MID1: variants seen among roughly 807,000 people sequenced by gnomAD.
MID1 encodes midline 1, also known as E3 ubiquitin-protein ligase Midline-1.
Under a neutral mutation model 40.4 loss-of-function variants are expected in MID1, and 7 were observed. The ratio of observed to expected loss-of-function variants is 0.17; its 90% CI spans 0.10 to 0.33. MID1 has a LOEUF of 0.33. Ranked by LOEUF, MID1 falls within the 10% of genes least tolerant of loss-of-function variation. The pLI is 1.00. For missense variants in MID1, 367 were observed against 558.5 expected, an observed-to-expected ratio of 0.66 and a Z score of 3.46; for synonymous variants, 229 against 221.2, an observed-to-expected ratio of 1.04 and a Z score of -0.31.
chrX:10,668,503 C>T (rs1050501200), intron 1 of MID1, among the ~76,000 whole-genome samples: 4 of 112,080 alleles, frequency 3.6e-5, no homozygotes, highest in South Asian at 3.7e-4. Flanking sequence ...TTTAAAAAGA[C>T]GGATGATTTC....
chrX:10,513,492 T>C (rs1396830269), intron 3 of MID1, among the ~76,000 whole-genome samples: 1 of 112,043 alleles, frequency 8.9e-6, no homozygotes, highest in African/African-American at 3.2e-5. Flanking sequence ...GAGTTAGAAA[T>C]AACAATGGCC....
chrX:10,667,597 T>G (rs1370124595), intron 1 of MID1, among the ~76,000 whole-genome samples: 1 of 111,954 alleles, frequency 8.9e-6, no homozygotes, highest in Non-Finnish European at 1.9e-5. Flanking sequence ...TTTATGAAAT[T>G]TTACACCTTT....
intron 1 of MID1, among the ~76,000 whole-genome samples, chrX:10,819,578 C>T (rs1375865934): frequency 1.8e-5 from 2 of 111,617 alleles, no homozygotes; most frequent in Non-Finnish European, 3.8e-5. Flanking sequence ...CCAGAGAGAG[C>T]AAGAAACAAA....
At chrX:10,560,976 G>A (rs1438813256) in intron 2 of MID1, among the ~76,000 whole-genome samples, 1 of 106,300 alleles carries the variant, frequency 9.4e-6, no homozygotes, top group Non-Finnish European at 1.9e-5. Flanking sequence ...ACTATACGAG[G>A]CTACAGTAAC....
At chrX:10,548,639 G>A (rs980738623) in intron 2 of MID1, among the ~76,000 whole-genome samples, 43 of 111,798 alleles carry the variant, frequency 3.8e-4, no homozygotes, top group African/African-American at 1.2e-3. Flanking sequence ...AGATCCAGTG[G>A]CTTTTTAACA....
intron 1 of MID1, among the ~76,000 whole-genome samples, chrX:10,684,559 A>G (rs1350238795): frequency 1.9e-5 from 2 of 106,239 alleles, no homozygotes; most frequent in Non-Finnish European, 3.9e-5. Flanking sequence ...GTGTGCCACC[A>G]TGCCGGCTAT....
chrX:10,555,865 A>G (rs920176197), intron 2 of MID1, among the ~76,000 whole-genome samples: 1 of 111,095 alleles, frequency 9.0e-6, no homozygotes, highest in African/African-American at 3.3e-5. Context: ...GGCACCCTGC[A>G]CAACTGGCAC....
At chrX:10,695,758 G>T (rs1272962261) in intron 1 of MID1, among the ~76,000 whole-genome samples, 2 of 111,891 alleles carry the variant, frequency 1.8e-5, no homozygotes, top group Non-Finnish European at 3.8e-5. Context: ...AATAGGCAGG[G>T]GCTAGACTGT....
At chrX:10,502,941 C>T (rs948711254) in intron 3 of MID1, among the ~76,000 whole-genome samples, 4 of 111,926 alleles carry the variant, frequency 3.6e-5, no homozygotes, top group African/African-American at 1.3e-4. Context: ...CATAATGTGG[C>T]ATAACCATCC....
intron 1 of MID1, among the ~76,000 whole-genome samples, chrX:10,709,455 C>T (rs748896876): frequency 8.9e-6 from 1 of 112,175 alleles, no homozygotes; most frequent in Non-Finnish European, 1.9e-5. Context: ...AGAGACAGAA[C>T]AGCAGGCTTC....
intron 6 of MID1, among the ~76,000 whole-genome samples, chrX:10,471,407 T>C (rs947469558): frequency 8.9e-5 from 10 of 112,603 alleles, no homozygotes; most frequent in African/African-American, 3.2e-4. Context: ...AGCTTAGCTT[T>C]ATCTATTGGT....
chrX:10,566,926 G>C lies in MID1; in HGVS notation c.622C>G (p.Gln208Glu). 1 of 1,211,807 alleles carries C rather than the reference G, an allele frequency of 8.3e-7. No homozygotes were observed. The highest frequency in any genetic ancestry group is 1.7e-5 in the African/African-American group (1 of 57,784). Reference sequence around the variant, plus strand: ...TAGCGCTCACTCAAAGCTGCCACCTGATGATCGCGGTGCCGCCCAACCAGT... The same window carrying C: ...TAGCGCTCACTCAAAGCTGCCACCTCATGATCGCGGTGCCGCCCAACCAGT... ...CKLVGRHRDH[Q>E]VAALSERYDK... is the part of the protein sequence containing the mutation. Residue 208 changes from glutamine to glutamate, a missense_variant, in exon 2 of 10, where the codon CAG becomes GAG. This residue lies in a region of MID1 where 275 missense variants were observed against 383.1 expected (regional missense o/e 0.72). Coordinates refer to ENST00000317552, the MANE Select transcript of MID1 (RefSeq NM_000381.4).
chrX:10,565,002 TAA>T (rs5901437), intron 2 of MID1, among the ~76,000 whole-genome samples: 6,562 of 77,889 alleles, frequency 0.084, 259 homozygotes, highest in African/African-American at 0.16. Flanking sequence ...AAAAAAGGGG[TAA>T]AAAAAAAAAA....
At chrX:10,662,234 G>T (rs1473693482) in intron 1 of MID1, among the ~76,000 whole-genome samples, 1 of 110,468 alleles carries the variant, frequency 9.1e-6, no homozygotes, top group Non-Finnish European at 1.9e-5. Context: ...AACCGGGGAG[G>T]CGGAGGTTGT....
intron 1 of MID1, among the ~76,000 whole-genome samples, chrX:10,825,942 T>G (rs1439791634): frequency 9.0e-6 from 1 of 111,627 alleles, no homozygotes; most frequent in African/African-American, 3.3e-5. Context: ...CTCATTTGAT[T>G]GTTCCAAAAA....
At chrX:10,572,475 C>T (rs1312078412) in intron 1 of MID1, among the ~76,000 whole-genome samples, 1 of 110,151 alleles carries the variant, frequency 9.1e-6, no homozygotes, top group East Asian at 2.8e-4. Context: ...CACTTGAACC[C>T]AGGAGGCAGA....
intron 2 of MID1, among the ~76,000 whole-genome samples, chrX:10,534,595 T>C (rs1233292411): frequency 8.9e-6 from 1 of 111,944 alleles, no homozygotes; most frequent in Non-Finnish European, 1.9e-5. Flanking sequence ...CTGGACCAGC[T>C]GCTGAAAATG....
chrX:10,655,712 G>T (rs1413481639), intron 1 of MID1, among the ~76,000 whole-genome samples: 4 of 110,973 alleles, frequency 3.6e-5, no homozygotes, highest in Non-Finnish European at 7.5e-5. Context: ...GCTAAAAAGT[G>T]TTTGTGGTTT....
In MID1 at chrX:10,482,666, G is replaced by T. The variant is rs201267489; in HGVS notation, c.865-38C>A. On this transcript the variant is annotated intron_variant, in intron 4 of 9. Coordinates refer to ENST00000317552, the MANE Select transcript of MID1 (RefSeq NM_000381.4). ...AGGCATGGAGAGAGATGGTTACATG[G>T]GTGGTCTTGCTTAATGAAAAGGCAT... is the stretch of plus-strand genomic sequence containing the variant. 487 of 1,188,722 alleles carry T rather than the reference G, an allele frequency of 4.1e-4. 3 individuals are homozygous for T. In the African/African-American group the frequency reaches 7.6e-3, roughly 19 times the overall value.
Sources: gnomAD v4.1 joint callset for allele counts (sites outside exome capture counted in the v4.1 genomes callset) on GRCh38, gnomAD v4.1.1 for gene constraint, gnomAD v4.1.1 regional missense constraint, MANE v1.5 for transcripts, NCBI Gene and HGNC (gene_info 2026-07-23, HGNC 2026-07-21) for gene names.